FHIP2A: variants seen among roughly 807,000 people sequenced by gnomAD.
FHIP2A encodes family with sequence similarity 160 member B1.
FHIP2A carries 46 observed loss-of-function variants against 93.5 expected under a neutral mutation model. The observed-to-expected ratio is 0.49, with a 90% CI of 0.39 to 0.63. FHIP2A has a LOEUF of 0.63. FHIP2A is among the 20% of genes least tolerant of loss of function. The pLI, the probability that FHIP2A is intolerant of heterozygous loss-of-function variation, is 0.00. For synonymous variants in FHIP2A, 332 were observed against 326.5 expected, an observed-to-expected ratio of 1.02 and a Z score of -0.18; for missense variants, 769 against 909.7, an observed-to-expected ratio of 0.85 and a Z score of 1.99.
intron 16 of FHIP2A, among the ~76,000 whole-genome samples, chr10:114,883,554 A>G (rs1197189183): frequency 6.6e-6 from 1 of 152,176 alleles, no homozygotes; most frequent in Non-Finnish European, 1.5e-5. Flanking sequence ...CAAGCTTAAC[A>G]TGATATACAA....
intron 14 of FHIP2A, among the ~76,000 whole-genome samples, chr10:114,857,941 C>A (rs1250156235): frequency 6.6e-6 from 1 of 152,206 alleles, no homozygotes; most frequent in Non-Finnish European, 1.5e-5. Context: ...GAGGCCAAAT[C>A]TTGTCCCTGC....
At chr10:114,848,858 C>T in intron 13 of FHIP2A, 121 bp downstream of exon 13, 1 of 671,988 alleles carries the variant, frequency 1.5e-6, no homozygotes, top group Non-Finnish European at 2.6e-6. Context: ...AAAATGAGAC[C>T]TGGGCCGGGT....
At chr10:114,850,660 A>G (rs957741388) in intron 13 of FHIP2A, among the ~76,000 whole-genome samples, 56 of 152,210 alleles carry the variant, frequency 3.7e-4, no homozygotes, top group African/African-American at 1.4e-3. Context: ...TGATGGTGAC[A>G]CTGCACTCCA....
In FHIP2A at chr10:114,822,124, G is replaced by C; in HGVS notation, c.45+1G>C. 3.0e-6 allele frequency: 4 copies of C among 1,330,924 alleles called. No homozygotes were observed. The highest frequency in any genetic ancestry group is 3.9e-6 in the Non-Finnish European group (4 of 1,018,792). 82.4% of individuals were successfully genotyped at this position (1,330,924 alleles called of 1,614,324 possible). A position where few individuals can be genotyped will look rare whatever the true frequency, so the allele number is the denominator to read the frequency against. On this transcript the variant is annotated splice_donor_variant, in intron 1 of 16. Transcript: ENST00000369248. LOFTEE classifies it high-confidence loss of function. ...CATCCTGCAGCACGCCGTGGAGGCG[G>C]TAAGGCCGCGGGCTGCGGGCGCACG...
chr10:114,833,919 G>T (rs1450631878), intron 3 of FHIP2A, among the ~76,000 whole-genome samples: 1 of 152,090 alleles, frequency 6.6e-6, no homozygotes, highest in Non-Finnish European at 1.5e-5. Flanking sequence ...TTTTCCAGCC[G>T]TGTGGCCGAG....
At chr10:114,838,770 C>G (rs755029168) in intron 5 of FHIP2A, among the ~76,000 whole-genome samples, 12 of 152,130 alleles carry the variant, frequency 7.9e-5, no homozygotes, top group Non-Finnish European at 1.5e-4. Context: ...TACCTGTCTT[C>G]GGAAAAACAT....
chr10:114,881,390 G>A (rs1038255992), intron 16 of FHIP2A, among the ~76,000 whole-genome samples: 29 of 152,270 alleles, frequency 1.9e-4, no homozygotes, highest in African/African-American at 6.3e-4. Context: ...CTGAGACGCT[G>A]ATTGGATCTT....
Position 114,822,038 on chromosome 10 carries a change from C to A in FHIP2A, c.-41C>A. ...CGGCGGCGGCGGATCGAGGAGCTCT[C>A]CAGGTCGTCCCGGGAGAGGCTGCTG... On this transcript the variant is annotated 5_prime_UTR_variant, in exon 1 of 17. Transcript: ENST00000369248. 8.0e-7 allele frequency: 1 copy of A among 1,252,538 alleles called. No homozygotes were observed. Among genetic ancestry groups the A allele is most frequent in the South Asian group, 2.5e-5 (1 of 39,442 alleles). The allele number at this position is 1,252,538 out of a possible 1,614,324, so 77.6% of individuals were successfully genotyped here. A position where few individuals can be genotyped will look rare whatever the true frequency, so the allele number is the denominator to read the frequency against.
chr10:114,875,691 C>T (rs1180121848), intron 16 of FHIP2A, among the ~76,000 whole-genome samples: 1 of 130,090 alleles, frequency 7.7e-6, no homozygotes, highest in Non-Finnish European at 1.6e-5. Flanking sequence ...GAGACTCTGT[C>T]GAAAGAAAAA....
intron 16 of FHIP2A, among the ~76,000 whole-genome samples, chr10:114,897,171 T>C (rs2084005218): frequency 6.6e-6 from 1 of 152,250 alleles, no homozygotes; most frequent in Non-Finnish European, 1.5e-5. Flanking sequence ...GCGGTGCTTT[T>C]ACCTTTCTCA....
intron 16 of FHIP2A, among the ~76,000 whole-genome samples, chr10:114,878,780 AAAAAAAAAAAAAAAG>A (rs199717636): frequency 1.8e-5 from 2 of 109,562 alleles, no homozygotes; most frequent in African/African-American, 7.5e-5. Flanking sequence ...CGCCTCAAAA[AAAAAAAAAAAAAAAG>A]AAAGAAAGAA....
Position 114,843,453 on chromosome 10 carries a change from C to T in FHIP2A, c.816+227C>T, listed in dbSNP as rs1454371915. Among the ~76,000 whole-genome samples the T allele has an allele frequency of 6.6e-5, 10 of 151,714 alleles. No homozygotes were observed. The South Asian group carries it at 1.2e-3, about 19-fold the overall frequency. On this transcript the variant is annotated intron_variant, in intron 6 of 16. Coordinates refer to ENST00000369248, the MANE Select transcript of FHIP2A (RefSeq NM_020940.4). ...CCTAGTAGCTGGGATTACAGGTGCA[C>T]GCCACCACGCCAGCTAATTTTTGTA...
At chr10:114,888,080 A>G (rs1271685152) in intron 16 of FHIP2A, among the ~76,000 whole-genome samples, 1 of 152,152 alleles carries the variant, frequency 6.6e-6, no homozygotes, top group Non-Finnish European at 1.5e-5. Context: ...TTCTCTGGCT[A>G]TGACTTCTGC....
chr10:114,836,082 A>G (rs201143653), intron 4 of FHIP2A, 42 bp from the exon 5 acceptor site: 1 of 1,485,420 alleles, frequency 6.7e-7, no homozygotes, highest in Non-Finnish European at 9.1e-7. Flanking sequence ...ATTTGTAAAA[A>G]GTAGCCTAAG....
rs974273575 is a variant in FHIP2A, at chr10:114,872,005, G to A, written c.2192+10671G>A. On this transcript the variant is annotated intron_variant, in intron 16 of 16. Transcript: ENST00000369250. The stretch of plus-strand genomic sequence containing the variant: ...AGTAAGTCCAGACTCTGATAAGTCC[G>A]CCCAAGTCCATACGTTGGCCTGATT... Among the ~76,000 whole-genome samples, 3 of 152,276 alleles carry A rather than the reference G, an allele frequency of 2.0e-5. No homozygotes were observed. The South Asian group carries it at 6.2e-4, about 32-fold the overall frequency.
intron 14 of FHIP2A, among the ~76,000 whole-genome samples, chr10:114,860,431 C>T (rs1413922634): frequency 2.0e-5 from 3 of 152,124 alleles, no homozygotes; most frequent in African/African-American, 4.8e-5. Flanking sequence ...CGGCCCACTG[C>T]AACCTCCACC....
chr10:114,849,801 G>C (rs546140946), intron 13 of FHIP2A, among the ~76,000 whole-genome samples: 1 of 152,272 alleles, frequency 6.6e-6, no homozygotes, highest in South Asian at 2.1e-4. Context: ...AGCCCTGGCA[G>C]CCGCTCATCT....
At chr10:114,833,168 A>G (rs1232949925) in intron 2 of FHIP2A, 65 bp from the exon 3 acceptor site, 1 of 1,278,470 alleles carries the variant, frequency 7.8e-7, no homozygotes, top group Non-Finnish European at 1.1e-6. Context: ...AATACAGAGT[A>G]TTTTAGGTGC....
chr10:114,854,692 G>A (rs2083756816), intron 13 of FHIP2A, among the ~76,000 whole-genome samples: 1 of 152,168 alleles, frequency 6.6e-6, no homozygotes. Flanking sequence ...GACCAGCACT[G>A]GTCGATGGAC....
Sources: allele counts gnomAD v4.1 joint callset (sites outside exome capture counted in the v4.1 genomes callset), GRCh38; gene constraint gnomAD v4.1.1; transcripts MANE v1.5; gene names NCBI Gene and HGNC (gene_info 2026-07-23, HGNC 2026-07-21).